Variants in CNTRL observed in about 807,000 individuals in gnomAD.
CNTRL encodes 110 kDa centrosomal protein.
A neutral mutation model predicts 303.7 loss-of-function variants in CNTRL; 233 were observed. The observed-to-expected ratio is 0.77, with a 90% CI of 0.69 to 0.86. CNTRL has a LOEUF of 0.86. CNTRL is among the 40% of genes least tolerant of loss of function. The pLI, the probability that CNTRL is intolerant of heterozygous loss-of-function variation, is 0.00. For missense variants in CNTRL, 2,524 were observed against 2,650.6 expected (o/e 0.95, Z 1.05); for synonymous variants, 900 against 922.2 (o/e 0.98, Z 0.44).
intron 14 of CNTRL, among the ~76,000 whole-genome samples, chr9:121,132,409 C>G (rs1347605508): frequency 6.6e-6 from 1 of 152,138 alleles, no homozygotes; most frequent in Non-Finnish European, 1.5e-5. Flanking sequence ...ACCCTTTCTT[C>G]CACTTGATCA....
At chr9:121,100,462 T>C (rs1265265644) in intron 7 of CNTRL, among the ~76,000 whole-genome samples, 2 of 152,192 alleles carry the variant, frequency 1.3e-5, no homozygotes, top group Admixed American at 1.3e-4. Context: ...ACATGCCAAA[T>C]TGTAAAGACC....
At chr9:121,103,980 A>T (rs2049319989) in intron 7 of CNTRL, among the ~76,000 whole-genome samples, 1 of 152,216 alleles carries the variant, frequency 6.6e-6, no homozygotes, top group African/African-American at 2.4e-5. Flanking sequence ...TTCCTCAAGG[A>T]TCTAGAACTA....
intron 42 of CNTRL, among the ~76,000 whole-genome samples, chr9:121,173,951 T>C (rs1229798215): frequency 2.6e-5 from 4 of 152,220 alleles, no homozygotes; most frequent in Non-Finnish European, 5.9e-5. Context: ...TTGACTCCAG[T>C]GTTCTTTAAC....
Position 121,124,016 on chromosome 9 carries a change from A to G in CNTRL, c.1736A>G (p.Asp579Gly). 6.2e-7 allele frequency: 1 copy of G among 1,613,330 alleles called. No individual in the cohort carries two copies. The highest frequency in any genetic ancestry group is 8.5e-7 in the Non-Finnish European group (1 of 1,179,662). Residue 579 changes from aspartate to glycine, a missense_variant, in exon 13 of 44, where the codon GAT becomes GGT. Asp to Gly is a moderately conservative substitution (Grantham distance 94). Transcript: ENST00000373855. ...KQYQQLESRLDEILSRIAKET... is the reference protein window; with the variant it reads ...KQYQQLESRLGEILSRIAKET... Reference sequence around the variant, plus strand: ...TACCAACAACTTGAAAGTCGTTTGGATGAGATACTTTCTAGAATTGCTAAG... The same window carrying G: ...TACCAACAACTTGAAAGTCGTTTGGGTGAGATACTTTCTAGAATTGCTAAG...
chr9:121,150,019 A>G, intron 24 of CNTRL, 151 bp from the exon 25 acceptor site: 2 of 537,428 alleles, frequency 3.7e-6, no homozygotes, highest in Non-Finnish European at 6.3e-6. Context: ...CTTTTCAAAA[A>G]TAGTTTTGAC....
intron 19 of CNTRL, among the ~76,000 whole-genome samples, chr9:121,142,701 A>G (rs1467088222): frequency 2.0e-5 from 3 of 152,152 alleles, no homozygotes; most frequent in Non-Finnish European, 2.9e-5. Context: ...GACTTTGTCA[A>G]GTTTAAAAAT....
chr9:121,144,914 TG>T lies in CNTRL; in HGVS notation c.3124del (p.Glu1042ArgfsTer25). ...AARDLTRAEAEIELLQNLLRQ... is the reference protein window; with the variant it reads ...AARDLTRAEAXIELLQNLLRQ... Reference sequence around the variant, plus strand: ...CCAGAGATCTCACCCGAGCAGAAGCTGAGATCGAACTCCTGCAGAATCTCCT... The same window carrying T: ...CCAGAGATCTCACCCGAGCAGAAGCTAGATCGAACTCCTGCAGAATCTCCT... On this transcript the variant is annotated frameshift_variant, in exon 21 of 44. Coordinates refer to ENST00000373855, the MANE Select transcript of CNTRL (RefSeq NM_007018.6). LOFTEE classifies it high-confidence loss of function. The T allele has an allele frequency of 2.5e-6, 4 of 1,613,596 alleles. No individual in the cohort carries two copies. The highest frequency in any genetic ancestry group is 3.4e-6 in the Non-Finnish European group (4 of 1,179,930).
In CNTRL at chr9:121,098,492, A is replaced by C. The variant is rs1588093733; in HGVS notation, c.728A>C (p.His243Pro). ...LPHYLQFTIF[H>P]LRSLESLEGQ... The stretch of plus-strand genomic sequence containing the variant: ...CATTACCTCCAGTTTACCATTTTCC[A>C]CCTCCGTTCATTGGAAAGTTTGGAA... Residue 243 changes from histidine to proline, a missense_variant, in exon 7 of 44, where the codon CAC becomes CCC. Coordinates refer to ENST00000373855, the MANE Select transcript of CNTRL (RefSeq NM_007018.6). 1.2e-6 allele frequency: 2 copies of C among 1,613,606 alleles called. No homozygotes were observed. Among genetic ancestry groups the C allele is most frequent in the Admixed American group, 1.7e-5 (1 of 59,960 alleles).
chr9:121,093,165 T>C (rs1178161304), intron 4 of CNTRL, among the ~76,000 whole-genome samples: 7 of 152,150 alleles, frequency 4.6e-5, no homozygotes, highest in Non-Finnish European at 8.8e-5. Context: ...TTGTTTTCTT[T>C]ATTCACTACT....
chr9:121,176,111 T>A (rs1297144796), intron 43 of CNTRL, among the ~76,000 whole-genome samples: 1 of 152,248 alleles, frequency 6.6e-6, no homozygotes, highest in African/African-American at 2.4e-5. Flanking sequence ...GCCTATTGTG[T>A]GCACATACAA....
chr9:121,159,953 G>A (rs1291649545), intron 31 of CNTRL, among the ~76,000 whole-genome samples, 190 bp from the exon 32 acceptor site: 1 of 152,094 alleles, frequency 6.6e-6, no homozygotes, highest in Admixed American at 6.5e-5. Context: ...AAGAGAATAT[G>A]TTACTTTCTT....
intron 12 of CNTRL, chr9:121,122,000 G>A: frequency 1.2e-6 from 1 of 860,942 alleles, no homozygotes; most frequent in Non-Finnish European, 1.4e-6. Context: ...AGGAGGAGGA[G>A]TCAGAGATGT....
chr9:121,152,176 C>CCAGA (rs2052309060), intron 25 of CNTRL: 1 of 270,922 alleles, frequency 3.7e-6, no homozygotes, highest in Admixed American at 4.8e-5. Flanking sequence ...TCCCATGTGG[C>CCAGA]CAGAGGAAGG....
chr9:121,144,798 A>G, intron 20 of CNTRL, 45 bp from the exon 21 acceptor site: 1 of 1,390,590 alleles, frequency 7.2e-7, no homozygotes, highest in Non-Finnish European at 1.0e-6. Context: ...GAAGAAGACA[A>G]CCTGTGATAG....
chr9:121,169,116 G>A (rs1478815771), intron 38 of CNTRL, among the ~76,000 whole-genome samples: 6 of 152,136 alleles, frequency 3.9e-5, no homozygotes, highest in Admixed American at 1.3e-4. Flanking sequence ...TGTACCAGGC[G>A]TTTGCACACA....
At chr9:121,107,493 A>G (rs964944445) in intron 7 of CNTRL, among the ~76,000 whole-genome samples, 1 of 152,178 alleles carries the variant, frequency 6.6e-6, no homozygotes, top group Non-Finnish European at 1.5e-5. Context: ...TGTAATTACT[A>G]ATGTCTGATA....
intron 19 of CNTRL, among the ~76,000 whole-genome samples, chr9:121,143,420 T>C (rs888999760): frequency 1.3e-5 from 2 of 152,216 alleles, no homozygotes; most frequent in Non-Finnish European, 2.9e-5. Context: ...TTCTGAAATG[T>C]CAAGTGGCTG....
At chr9:121,081,306 TACAATACTTGTG>T (rs1201637868) in intron 2 of CNTRL, among the ~76,000 whole-genome samples, 1 of 152,240 alleles carries the variant, frequency 6.6e-6, no homozygotes, top group Non-Finnish European at 1.5e-5. Context: ...TACCACACAG[TACAATACTTGTG>T]ACATCAGACA....
chr9:121,168,912 C>T (rs2053197135), intron 38 of CNTRL, among the ~76,000 whole-genome samples: 1 of 151,954 alleles, frequency 6.6e-6, no homozygotes, highest in Non-Finnish European at 1.5e-5. Flanking sequence ...TTCCTTTTTC[C>T]CTGGGAACTC....
Sources: allele counts gnomAD v4.1 joint callset (sites outside exome capture counted in the v4.1 genomes callset), GRCh38; gene constraint gnomAD v4.1.1; transcripts MANE v1.5; gene names NCBI Gene and HGNC (gene_info 2026-07-23, HGNC 2026-07-21).